The following ZC3H6 variants were observed in gnomAD, a reference collection of about 807,000 sequenced individuals.
ZC3H6 encodes the protein zinc finger CCCH-type containing 6, also known as zinc finger CCCH domain-containing protein 6.
ZC3H6 carries 40 observed loss-of-function variants against 107.7 expected under a neutral mutation model. The ratio of observed to expected loss-of-function variants is 0.37; its 90% CI spans 0.29 to 0.48. ZC3H6 has a LOEUF of 0.48. ZC3H6 is among the 20% of genes least tolerant of loss of function. ZC3H6 has a pLI of 0.98. For missense variants in ZC3H6, 1,267 were observed against 1,410.4 expected (o/e 0.90, Z 1.63); for synonymous variants, 493 against 487.9 (o/e 1.01, Z -0.14).
chr2:112,277,465 T>G (rs971750224), intron 1 of ZC3H6, among the ~76,000 whole-genome samples: 1 of 152,132 alleles, frequency 6.6e-6, no homozygotes, highest in Non-Finnish European at 1.5e-5. Flanking sequence ...TATGGAGTTA[T>G]GTATTGTACA....
intron 1 of ZC3H6, chr2:112,286,031 A>G (rs1686601181): frequency 4.1e-6 from 1 of 243,062 alleles, no homozygotes; most frequent in African/African-American, 2.3e-5. Flanking sequence ...TATTTAAGCA[A>G]GAATACATAG....
chr2:112,307,669 A>G (rs78590152), intron 3 of ZC3H6, among the ~76,000 whole-genome samples: 5,313 of 152,168 alleles, frequency 0.035, 466 homozygotes, highest in East Asian at 0.32. Context: ...AACTCATACA[A>G]CGTGGTGTGA....
intron 1 of ZC3H6, among the ~76,000 whole-genome samples, chr2:112,287,438 A>G (rs1377183117): frequency 6.6e-6 from 1 of 152,186 alleles, no homozygotes; most frequent in Non-Finnish European, 1.5e-5. Context: ...TATTTTAGGA[A>G]TAGTGTGGTT....
intron 1 of ZC3H6, among the ~76,000 whole-genome samples, chr2:112,281,367 C>A (rs987682740): frequency 1.3e-5 from 2 of 152,170 alleles, no homozygotes; most frequent in South Asian, 2.1e-4. Context: ...TCTTGAGTGA[C>A]CTGGGAGCTA....
chr2:112,296,708 A>C (rs562769304), intron 1 of ZC3H6, among the ~76,000 whole-genome samples: 1 of 152,200 alleles, frequency 6.6e-6, no homozygotes, highest in African/African-American at 2.4e-5. Context: ...GTCGTATCAT[A>C]TGCCTCTTCT....
At chr2:112,291,938 G>A (rs1323690645) in intron 1 of ZC3H6, among the ~76,000 whole-genome samples, 3 of 152,210 alleles carry the variant, frequency 2.0e-5, no homozygotes, top group African/African-American at 4.8e-5. Context: ...GGCTGGTCTC[G>A]AACTCCTGAC....
intron 4 of ZC3H6, 28 bp downstream of exon 4, chr2:112,310,189 G>A: frequency 6.3e-7 from 1 of 1,595,782 alleles, no homozygotes; most frequent in Non-Finnish European, 8.5e-7. Flanking sequence ...GTCTGTCTTA[G>A]AATGTGAGAA....
intron 1 of ZC3H6, among the ~76,000 whole-genome samples, chr2:112,292,113 A>C (rs889795275): frequency 3.3e-5 from 5 of 152,192 alleles, no homozygotes; most frequent in African/African-American, 1.2e-4. Flanking sequence ...AAAAGCACAG[A>C]CATTGCTTAA....
chr2:112,305,154 T>C (rs1676452838), intron 3 of ZC3H6, among the ~76,000 whole-genome samples: 2 of 152,202 alleles, frequency 1.3e-5, no homozygotes, highest in Non-Finnish European at 2.9e-5. Context: ...AACACTGATA[T>C]GTAGTTAGAT....
intron 1 of ZC3H6, among the ~76,000 whole-genome samples, chr2:112,281,939 G>T (rs1427388971): frequency 6.6e-6 from 1 of 152,024 alleles, no homozygotes; most frequent in Non-Finnish European, 1.5e-5. Context: ...GAATGAAAGG[G>T]TGCTGCAGGG....
intron 7 of ZC3H6, among the ~76,000 whole-genome samples, chr2:112,318,090 T>C (rs1461709344): frequency 3.3e-5 from 5 of 152,208 alleles, no homozygotes; most frequent in African/African-American, 2.4e-5. Context: ...TAGATTCTGA[T>C]GTTTATTTTT....
At chr2:112,322,478 C>A (rs574705997) in intron 8 of ZC3H6, among the ~76,000 whole-genome samples, 171 bp from the exon 9 acceptor site, 1 of 152,078 alleles carries the variant, frequency 6.6e-6, no homozygotes, top group African/African-American at 2.4e-5. Context: ...TGGGCTCAAG[C>A]GATCCAGCTG....
intron 3 of ZC3H6, among the ~76,000 whole-genome samples, chr2:112,307,923 A>G (rs1676507700): frequency 6.6e-6 from 1 of 152,234 alleles, no homozygotes; most frequent in Non-Finnish European, 1.5e-5. Context: ...TATGAGAAGC[A>G]TCTAATCTCC....
intron 10 of ZC3H6, 60 bp from the exon 11 acceptor site, chr2:112,324,904 T>G (rs1676877960): frequency 6.9e-7 from 1 of 1,441,782 alleles, no homozygotes; most frequent in African/African-American, 1.4e-5. Flanking sequence ...TTTCATTTCT[T>G]ATGACTGGTG....
At chr2:112,316,359 T>G (rs1676695214) in intron 5 of ZC3H6, 111 bp from the exon 6 acceptor site, 2 of 683,892 alleles carry the variant, frequency 2.9e-6, no homozygotes, top group Non-Finnish European at 5.1e-6. Flanking sequence ...TGTTCAATCT[T>G]GATCACTTTT....
At chr2:112,293,237 C>T (rs1346260123) in intron 1 of ZC3H6, among the ~76,000 whole-genome samples, 1 of 152,140 alleles carries the variant, frequency 6.6e-6, no homozygotes, top group East Asian at 1.9e-4. Flanking sequence ...TATATTTGTA[C>T]TAAGTCTCAT....
Position 112,329,041 on chromosome 2 carries a change from ATGT to A in ZC3H6, c.2087-1962_2087-1960del, listed in dbSNP as rs576519581. On this transcript the variant is annotated intron_variant, in intron 11 of 11. Coordinates refer to ENST00000409871, the MANE Select transcript of ZC3H6 (RefSeq NM_198581.3). ...AGATAATAGAAAATTTTATTCTATA[ATGT>A]TATATAATTGGTAGTGTTCTATGGG... Among the ~76,000 whole-genome samples the A allele has an allele frequency of 1.6e-3, 247 of 152,212 alleles. 1 individual carries two copies. The highest frequency in any genetic ancestry group is 5.8e-3 in the African/African-American group (242 of 41,544).
At chr2:112,276,079 GC>G in intron 1 of ZC3H6, 53 bp downstream of exon 1, 2 of 1,517,396 alleles carry the variant, frequency 1.3e-6, no homozygotes, top group Non-Finnish European at 1.8e-6. Flanking sequence ...GGGGTCTGGG[GC>G]GGCGGGAGCG....
At chr2:112,308,846 G>A (rs1228945562) in intron 3 of ZC3H6, among the ~76,000 whole-genome samples, 4 of 151,552 alleles carry the variant, frequency 2.6e-5, no homozygotes, top group Non-Finnish European at 5.9e-5. Context: ...AAGGTCAGGA[G>A]TTCGAGACCA....
Sources: gnomAD v4.1 joint callset for allele counts (sites outside exome capture counted in the v4.1 genomes callset) on GRCh38, gnomAD v4.1.1 for gene constraint, MANE v1.5 for transcripts, NCBI Gene and HGNC (gene_info 2026-07-23, HGNC 2026-07-21) for gene names.